PSD3: variants seen among roughly 807,000 people sequenced by gnomAD.
PSD3 encodes the protein pleckstrin and Sec7 domain containing 3, also known as PH and SEC7 domain-containing protein 3.
In PSD3, 49 loss-of-function variants were observed where a neutral mutation model predicts 105.5. The ratio of observed to expected loss-of-function variants is 0.46; its 90% CI spans 0.37 to 0.59. PSD3 has a LOEUF of 0.59. PSD3 is among the 20% of genes least tolerant of loss of function. The pLI is 0.00. For missense variants in PSD3, 1,561 were observed against 1,263.8 expected, an observed-to-expected ratio of 1.24 and a Z score of -3.57; for synonymous variants, 557 against 457.8, an observed-to-expected ratio of 1.22 and a Z score of -2.77.
At chr8:18,903,090 G>A (rs1384706584) in intron 2 of PSD3, among the ~76,000 whole-genome samples, 4 of 152,214 alleles carry the variant, frequency 2.6e-5, no homozygotes, top group African/African-American at 4.8e-5. Context: ...AGTTGCCCCC[G>A]GAACCAGGAT....
chr8:18,892,993 T>C (rs984590126), intron 2 of PSD3, among the ~76,000 whole-genome samples: 1 of 152,330 alleles, frequency 6.6e-6, no homozygotes, highest in Non-Finnish European at 1.5e-5. Flanking sequence ...TTAGTGCAAC[T>C]GATGCAAATG....
chr8:18,617,397 G>A (rs1470225562), intron 11 of PSD3, among the ~76,000 whole-genome samples: 1 of 152,044 alleles, frequency 6.6e-6, no homozygotes, highest in East Asian at 1.9e-4. Flanking sequence ...TGGTCGTGAT[G>A]GTGGGTGCCT....
chr8:18,765,982 A>G (rs1280810836), intron 8 of PSD3, among the ~76,000 whole-genome samples: 1 of 150,398 alleles, frequency 6.6e-6, no homozygotes, highest in East Asian at 1.9e-4. Context: ...AAAAAAACCA[A>G]AAACAAAAAA....
intron 8 of PSD3, among the ~76,000 whole-genome samples, chr8:18,786,343 G>A (rs980854573): frequency 6.6e-6 from 1 of 152,092 alleles, no homozygotes; most frequent in African/African-American, 2.4e-5. Flanking sequence ...CTACTTTAAG[G>A]AATTATTAAA....
intron 11 of PSD3, among the ~76,000 whole-genome samples, chr8:18,600,897 A>G (rs11998726): frequency 1.3e-5 from 2 of 152,156 alleles, no homozygotes; most frequent in African/African-American, 2.4e-5. Context: ...ATATGAAAGG[A>G]CCACTTTTGG....
Position 18,724,209 on chromosome 8 carries a change from T to C in PSD3, c.2172+41240A>G, listed in dbSNP as rs866130825. On this transcript the variant is annotated intron_variant, in intron 9 of 15. Coordinates refer to ENST00000327040, the MANE Select transcript of PSD3 (RefSeq NM_015310.4). ...TCAGGACGAGTAGAGGGGTAATGCC[T>C]GTCACCAAGGCTATTACAGCGGTCT... Among the ~76,000 whole-genome samples the C allele has an allele frequency of 3.9e-5, 6 of 152,252 alleles. No individual in the cohort carries two copies. In the South Asian group the frequency reaches 1.2e-3, roughly 32 times the overall value.
chr8:18,867,601 C>T, intron 4 of PSD3, 73 bp downstream of exon 4: 4 of 1,499,724 alleles, frequency 2.7e-6, no homozygotes, highest in Non-Finnish European at 3.6e-6. Context: ...ATATATATTC[C>T]ACACTCAGAT....
At position 18,655,246 on chromosome 8, in the gene PSD3, G is replaced by A. The variant is rs543099158; in HGVS notation, c.2216+396C>T. Among the ~76,000 whole-genome samples, 141 of 150,564 alleles carry A rather than the reference G, an allele frequency of 9.4e-4. 1 individual carries two copies. The highest frequency in any genetic ancestry group is 3.1e-3 in the African/African-American group (129 of 40,990). ...CGGGAGGCTGAGGCAGGAGAATGGCGTGAACCCGGGAGGCGGAGCTTGCAG... is the reference window on the plus strand; with the variant it reads ...CGGGAGGCTGAGGCAGGAGAATGGCATGAACCCGGGAGGCGGAGCTTGCAG... On this transcript the variant is annotated intron_variant, in intron 10 of 15. Transcript: ENST00000327040.
intron 10 of PSD3, among the ~76,000 whole-genome samples, chr8:18,648,874 T>C (rs544249161): frequency 6.6e-6 from 1 of 152,276 alleles, no homozygotes; most frequent in East Asian, 1.9e-4. Context: ...CTCCAGAGAG[T>C]GTAAGCCATA....
intron 1 of PSD3, among the ~76,000 whole-genome samples, chr8:18,972,215 C>T (rs1308580185): frequency 6.6e-6 from 1 of 152,192 alleles, no homozygotes; most frequent in African/African-American, 2.4e-5. Context: ...TAGGCTCCTA[C>T]TTTATTTATG....
chr8:18,977,718 G>A (rs530886310), intron 1 of PSD3, among the ~76,000 whole-genome samples: 10 of 152,234 alleles, frequency 6.6e-5, no homozygotes, highest in East Asian at 5.8e-4. Flanking sequence ...GTAAATAAGT[G>A]TACATTAAAA....
chr8:18,755,989 T>G (rs559377550), intron 9 of PSD3, among the ~76,000 whole-genome samples: 4 of 152,292 alleles, frequency 2.6e-5, no homozygotes, highest in African/African-American at 4.8e-5. Context: ...CTAACTCAGC[T>G]TGATTTACTT....
chr8:18,956,528 A>G (rs1057094258), intron 1 of PSD3, among the ~76,000 whole-genome samples: 6 of 152,196 alleles, frequency 3.9e-5, no homozygotes, highest in Non-Finnish European at 7.3e-5. Flanking sequence ...AGTCAATTTA[A>G]GGAAAGGGGT....
At chr8:18,795,853 C>A (rs1810126980) in intron 8 of PSD3, among the ~76,000 whole-genome samples, 1 of 152,170 alleles carries the variant, frequency 6.6e-6, no homozygotes, top group Non-Finnish European at 1.5e-5. Context: ...AAGAAAAAGA[C>A]TTTCAACTCT....
At chr8:18,958,675 C>T (rs1013277383) in intron 1 of PSD3, among the ~76,000 whole-genome samples, 1 of 152,124 alleles carries the variant, frequency 6.6e-6, no homozygotes, top group Non-Finnish European at 1.5e-5. Flanking sequence ...TAATTTACCA[C>T]ACTGATAGAT....
intron 1 of PSD3, among the ~76,000 whole-genome samples, chr8:18,975,314 A>AT (rs71218914): frequency 0.016 from 2,341 of 144,272 alleles, 78 homozygotes; most frequent in African/African-American, 0.053. Context: ...ATTTTCTGAA[A>AT]TTTTTTTTTT....
chr8:18,943,217 T>C (rs1262886355), intron 1 of PSD3, among the ~76,000 whole-genome samples: 1 of 152,168 alleles, frequency 6.6e-6, no homozygotes, highest in African/African-American at 2.4e-5. Flanking sequence ...ACCACAGTAG[T>C]TCCATTTCTG....
At chr8:19,008,055 C>T (rs953538286) in intron 1 of PSD3, among the ~76,000 whole-genome samples, 1 of 8,160 alleles carries the variant, frequency 1.2e-4, no homozygotes, top group African/African-American at 1.3e-4. Flanking sequence ...GACAGCCAGG[C>T]TGGTCTCAAC....
At chr8:18,997,178 C>A (rs73204563) in intron 1 of PSD3, among the ~76,000 whole-genome samples, 32,085 of 151,770 alleles carry the variant, frequency 0.21, 4,424 homozygotes, top group Middle Eastern at 0.34. Flanking sequence ...CACCTCTAAC[C>A]CAGCCCCTTC....
Sources: gnomAD v4.1 joint callset for allele counts (sites outside exome capture counted in the v4.1 genomes callset) on GRCh38, gnomAD v4.1.1 for gene constraint, MANE v1.5 for transcripts, NCBI Gene and HGNC (gene_info 2026-07-23, HGNC 2026-07-21) for gene names.